Variants in NCKAP5 observed in about 807,000 individuals in gnomAD.
NCKAP5 encodes the protein NCK associated protein 5, also known as nck-associated protein 5.
NCKAP5 carries 92 observed loss-of-function variants against 167.0 expected under a neutral mutation model. The observed-to-expected ratio is 0.55, with a 90% confidence interval of 0.47 to 0.66. NCKAP5 has a LOEUF of 0.66. Among genes scored for constraint, NCKAP5 ranks in the 30% least tolerant of loss-of-function variants. The pLI is 0.00. For missense variants in NCKAP5, 2,378 were observed against 2,315.0 expected, an observed-to-expected ratio of 1.03 and a Z score of -0.56; for synonymous variants, 891 against 877.4, an observed-to-expected ratio of 1.02 and a Z score of -0.27.
At chr2:132,986,390 G>C (rs995902493) in intron 7 of NCKAP5, among the ~76,000 whole-genome samples, 1 of 152,098 alleles carries the variant, frequency 6.6e-6, no homozygotes, top group African/African-American at 2.4e-5. Flanking sequence ...GTCAAACCTG[G>C]AAACAACAAA....
chr2:133,289,244 C>G (rs1679383674), intron 4 of NCKAP5, among the ~76,000 whole-genome samples: 1 of 152,204 alleles, frequency 6.6e-6, no homozygotes, highest in African/African-American at 2.4e-5. Context: ...CACTTACTAT[C>G]AAGCTATTTA....
At chr2:133,069,033 T>A (rs1270270476) in intron 6 of NCKAP5, among the ~76,000 whole-genome samples, 2 of 152,224 alleles carry the variant, frequency 1.3e-5, no homozygotes. Flanking sequence ...ATAATGAATG[T>A]AAACTGTGAC....
intron 19 of NCKAP5, among the ~76,000 whole-genome samples, chr2:132,724,269 T>A (rs1690226488): frequency 1.3e-5 from 2 of 152,214 alleles, no homozygotes; most frequent in Admixed American, 1.3e-4. Context: ...GTAGCACTCA[T>A]CTCCCATGAA....
intron 11 of NCKAP5, among the ~76,000 whole-genome samples, chr2:132,856,884 G>A (rs1237755170): frequency 2.0e-5 from 3 of 152,146 alleles, no homozygotes; most frequent in Admixed American, 1.3e-4. Context: ...GAGGCGAAAG[G>A]GGGGACTTAA....
At chr2:133,485,763 T>A (rs1457173463) in intron 3 of NCKAP5, among the ~76,000 whole-genome samples, 1 of 152,162 alleles carries the variant, frequency 6.6e-6, no homozygotes, top group Admixed American at 6.5e-5. Context: ...TGTAGCATTT[T>A]ATTTGCTGCA....
intron 5 of NCKAP5, among the ~76,000 whole-genome samples, chr2:133,132,602 C>T (rs113037824): frequency 7.3e-5 from 11 of 151,170 alleles, no homozygotes; most frequent in South Asian, 2.1e-4. Context: ...CTTCAAATGA[C>T]GTGTATTTCT....
chr2:132,757,492 T>G (rs1002945889), intron 16 of NCKAP5, among the ~76,000 whole-genome samples: 1 of 152,212 alleles, frequency 6.6e-6, no homozygotes, highest in South Asian at 2.1e-4. Context: ...CTCTTTGAAT[T>G]CATTCAAGCC....
chr2:133,444,409 T>TAGATAGATATAGATAG (rs1190357351), intron 3 of NCKAP5, among the ~76,000 whole-genome samples: 36 of 138,762 alleles, frequency 2.6e-4, no homozygotes, highest in African/African-American at 9.6e-4. Context: ...GATAGATAGA[T>TAGATAGATATAGATAG]ATAGATATAG....
chr2:133,248,964 TTTTAAA>T (rs1199549175), intron 4 of NCKAP5, among the ~76,000 whole-genome samples: 1 of 152,192 alleles, frequency 6.6e-6, no homozygotes, highest in East Asian at 1.9e-4. Flanking sequence ...GGTATCTTAC[TTTTAAA>T]TTTGTTTTTC....
At chr2:133,377,126 T>C (rs1686201226) in intron 3 of NCKAP5, among the ~76,000 whole-genome samples, 1 of 152,180 alleles carries the variant, frequency 6.6e-6, no homozygotes, top group African/African-American at 2.4e-5. Flanking sequence ...TCACATTTTT[T>C]TCCTATACAC....
intron 3 of NCKAP5, among the ~76,000 whole-genome samples, chr2:133,517,169 A>G (rs1238822659): frequency 6.6e-6 from 1 of 152,254 alleles, no homozygotes; most frequent in Non-Finnish European, 1.5e-5. Context: ...CATCAGCTAT[A>G]CAGTAGTGTT....
chr2:132,825,480 A>G (rs1035596631), intron 11 of NCKAP5, among the ~76,000 whole-genome samples: 1 of 152,222 alleles, frequency 6.6e-6, no homozygotes, highest in Non-Finnish European at 1.5e-5. Flanking sequence ...TCTGATTTTT[A>G]TCTCTAAATA....
the NCKAP5 span, among the ~76,000 whole-genome samples, chr2:133,672,655 C>T: frequency 0.022 from 3,303 of 152,178 alleles, 116 homozygotes; most frequent in African/African-American, 0.075. Context: ...ACTACTCAGC[C>T]CTGCCATGGT....
intron 7 of NCKAP5, among the ~76,000 whole-genome samples, chr2:132,982,054 G>A (rs530632308): frequency 4.6e-5 from 7 of 152,306 alleles, no homozygotes; most frequent in South Asian, 2.1e-4. Context: ...AAAGGCATCC[G>A]TGGCACTGGC....
intron 5 of NCKAP5, among the ~76,000 whole-genome samples, chr2:133,160,082 T>C (rs992488816): frequency 1.3e-5 from 2 of 152,210 alleles, no homozygotes; most frequent in Admixed American, 1.3e-4. Flanking sequence ...ATTAGTTTTC[T>C]AAGGCTGCTG....
chr2:133,112,473 T>TA (rs11333696), intron 6 of NCKAP5, among the ~76,000 whole-genome samples: 310 of 145,740 alleles, frequency 2.1e-3, no homozygotes, highest in South Asian at 5.2e-3. Flanking sequence ...GACTCCGTCT[T>TA]AAAAAAAAAA....
At chr2:133,081,041 C>T (rs1390860556) in intron 6 of NCKAP5, among the ~76,000 whole-genome samples, 1 of 152,028 alleles carries the variant, frequency 6.6e-6, no homozygotes, top group Non-Finnish European at 1.5e-5. Context: ...AGGTGGGACT[C>T]CATCCAAAAT....
chr2:133,533,159 T>C (rs1210329455), intron 2 of NCKAP5, among the ~76,000 whole-genome samples: 1 of 152,198 alleles, frequency 6.6e-6, no homozygotes, highest in Admixed American at 6.5e-5. Context: ...GACTAATATG[T>C]TGGGAAGGTA....
the NCKAP5 span, among the ~76,000 whole-genome samples, chr2:133,627,657 G>A: frequency 6.6e-6 from 1 of 152,052 alleles, no homozygotes; most frequent in African/African-American, 2.4e-5. Flanking sequence ...TCTGTAGTGT[G>A]CGCTCTCTTT....
Sources: gnomAD v4.1 joint callset for allele counts (sites outside exome capture counted in the v4.1 genomes callset) on GRCh38, gnomAD v4.1.1 for gene constraint, MANE v1.5 for transcripts, NCBI Gene and HGNC (gene_info 2026-07-23, HGNC 2026-07-21) for gene names.